The following APBA2 variants were observed in gnomAD, a reference collection of about 807,000 sequenced individuals.
The protein encoded by APBA2 is amyloid-beta A4 precursor protein-binding family A member 2.
A neutral mutation model predicts 75.0 loss-of-function variants in APBA2; 30 were observed. The ratio of observed to expected loss-of-function variants is 0.40; its 90% confidence interval spans 0.30 to 0.54. The LOEUF is 0.54. Ranked by LOEUF, APBA2 falls within the 20% of genes least tolerant of loss-of-function variation. The probability of loss-of-function intolerance (pLI) is 0.49; values close to 1 mark genes in which losing one functional copy is unlikely to be tolerated. For missense variants in APBA2, 801 were observed against 1,016.1 expected (o/e 0.79, Z 2.88); for synonymous variants, 444 against 409.6 (o/e 1.08, Z -1.01).
chr15:29,041,477 T>A (rs999732546), intron 3 of APBA2, among the ~76,000 whole-genome samples: 2 of 143,196 alleles, frequency 1.4e-5, no homozygotes, highest in African/African-American at 2.6e-5. Context: ...AGCAAGACCC[T>A]GTCTCAGAAA....
chr15:28,952,159 A>G (rs1389335838), intron 2 of APBA2, among the ~76,000 whole-genome samples: 1 of 152,042 alleles, frequency 6.6e-6, no homozygotes, highest in Non-Finnish European at 1.5e-5. Flanking sequence ...CACGTGTCAC[A>G]TAGTAGAAAG....
chr15:28,917,898 G>A (rs538670023), intron 1 of APBA2, among the ~76,000 whole-genome samples: 1 of 152,244 alleles, frequency 6.6e-6, no homozygotes, highest in African/African-American at 2.4e-5. Context: ...GGTCTCTGGG[G>A]AGCAGCACTC....
chr15:28,964,183 A>G (rs1412938946), intron 2 of APBA2, among the ~76,000 whole-genome samples: 1 of 152,216 alleles, frequency 6.6e-6, no homozygotes, highest in East Asian at 1.9e-4. Context: ...ATTATCTACA[A>G]TTGCTGGATT....
At chr15:28,972,102 A>G (rs188082264) in intron 2 of APBA2, among the ~76,000 whole-genome samples, 1 of 152,312 alleles carries the variant, frequency 6.6e-6, no homozygotes, top group East Asian at 1.9e-4. Flanking sequence ...GTCTAAGATA[A>G]TCTCTGAAAT....
intron 2 of APBA2, among the ~76,000 whole-genome samples, chr15:28,958,999 C>T (rs1195930720): frequency 6.6e-6 from 1 of 152,064 alleles, no homozygotes; most frequent in East Asian, 1.9e-4. Flanking sequence ...GTTCTCTTCT[C>T]TTCTTTTTGA....
intron 3 of APBA2, among the ~76,000 whole-genome samples, chr15:29,012,314 G>A (rs555833291): frequency 6.6e-6 from 1 of 152,308 alleles, no homozygotes; most frequent in South Asian, 2.1e-4. Flanking sequence ...ATTTTGAAGA[G>A]TAGTGGTCAG....
At chr15:29,033,833 C>T (rs1387605087) in intron 3 of APBA2, among the ~76,000 whole-genome samples, 2 of 151,744 alleles carry the variant, frequency 1.3e-5, no homozygotes, top group Non-Finnish European at 1.5e-5. Flanking sequence ...AGCGTGGTGG[C>T]GGGCGCCTGT....
intron 3 of APBA2, among the ~76,000 whole-genome samples, chr15:29,015,036 G>T (rs1042685138): frequency 1.3e-5 from 2 of 152,050 alleles, no homozygotes; most frequent in South Asian, 2.1e-4. Context: ...TTCTAATGAG[G>T]TTGTGTTGCA....
chr15:29,112,797 G>A (rs558030794), intron 13 of APBA2, among the ~76,000 whole-genome samples: 39 of 152,216 alleles, frequency 2.6e-4, no homozygotes, highest in African/African-American at 8.4e-4. Context: ...TGGCCACTGC[G>A]CTCTCCTGCA....
intron 4 of APBA2, among the ~76,000 whole-genome samples, chr15:29,068,584 G>A (rs1299860629): frequency 6.6e-6 from 1 of 152,212 alleles, no homozygotes; most frequent in African/African-American, 2.4e-5. Context: ...CCCCACAAAT[G>A]GACACAGAAT....
At chr15:28,933,165 C>T (rs2034652787) in intron 2 of APBA2, among the ~76,000 whole-genome samples, 1 of 152,172 alleles carries the variant, frequency 6.6e-6, no homozygotes. Context: ...CTAATCACCT[C>T]TTAAAGGTCT....
intron 2 of APBA2, among the ~76,000 whole-genome samples, chr15:28,986,024 A>G (rs67202597): frequency 0.036 from 5,493 of 152,246 alleles, 211 homozygotes; most frequent in East Asian, 0.17. Context: ...GCACAAGCAT[A>G]TGCTTGTTTG....
At chr15:28,938,038 C>T (rs1399614042) in intron 2 of APBA2, among the ~76,000 whole-genome samples, 2 of 152,150 alleles carry the variant, frequency 1.3e-5, no homozygotes, top group Non-Finnish European at 2.9e-5. Flanking sequence ...GCCTCTCTGC[C>T]ACTGTGTGAA....
At chr15:28,939,200 T>A (rs1318209369) in intron 2 of APBA2, among the ~76,000 whole-genome samples, 2 of 152,212 alleles carry the variant, frequency 1.3e-5, no homozygotes, top group Non-Finnish European at 2.9e-5. Flanking sequence ...GCTTCCTTTT[T>A]TAGTGCTGAA....
At position 29,055,837 on chromosome 15, in the gene APBA2, G is replaced by C. The variant is rs192550547; in HGVS notation, c.951+1002G>C. Among the ~76,000 whole-genome samples, 208 of 152,290 alleles carry C rather than the reference G, an allele frequency of 1.4e-3. 1 individual carries two copies. The highest frequency in any genetic ancestry group is 4.7e-3 in the African/African-American group (194 of 41,558). On this transcript the variant is annotated intron_variant, in intron 4 of 14. Coordinates refer to ENST00000683413, the MANE Select transcript of APBA2 (RefSeq NM_001353788.2). ...TCTCTCTAAAGAACGTTAAGTGTCA[G>C]TTGACTTCACTTTGGGGGTGTTCCT...
At chr15:28,939,654 T>C (rs1161355329) in intron 2 of APBA2, among the ~76,000 whole-genome samples, 2 of 152,212 alleles carry the variant, frequency 1.3e-5, no homozygotes, top group Non-Finnish European at 2.9e-5. Flanking sequence ...TTCAGAGGAA[T>C]GTAGTGTGAT....
At chr15:28,892,023 C>A (rs911602263) in intron 1 of APBA2, among the ~76,000 whole-genome samples, 1 of 152,192 alleles carries the variant, frequency 6.6e-6, no homozygotes, top group Non-Finnish European at 1.5e-5. Context: ...TCCAGTCTTG[C>A]AAGCTCCATT....
intron 4 of APBA2, among the ~76,000 whole-genome samples, chr15:29,067,406 C>T (rs766580627): frequency 7.2e-5 from 11 of 151,976 alleles, no homozygotes; most frequent in South Asian, 2.1e-4. Context: ...GGCGGTGGGT[C>T]GGCACATCCC....
rs752901215 is a variant in APBA2, at chr15:29,054,510, C to G, written c.626C>G (p.Pro209Arg). ...EEANGNTGAS[P>R]YRLRRGDGDL... ...GCCAACGGGAACACCGGCGCCTCCC[C>G]CTACCGCCTGAGGCGTGGGGATGGG... Residue 209 changes from proline (P) to arginine (R), a missense_variant, in exon 4 of 15, where the codon CCC (proline) becomes CGC (arginine). Coordinates refer to ENST00000683413, the MANE Select transcript of APBA2 (RefSeq NM_001353788.2). This position sits in a 1 kb window ranked among gnomAD's most constrained non-coding sequence, Gnocchi z 6.1. 6.2e-7 allele frequency: 1 copy of G among 1,613,452 alleles called. No individual in the cohort carries two copies. Among genetic ancestry groups the G allele is most frequent in the Non-Finnish European group, 8.5e-7 (1 of 1,179,782 alleles).
Sources: gnomAD v4.1 joint callset for allele counts (sites outside exome capture counted in the v4.1 genomes callset) on GRCh38, gnomAD v4.1.1 for gene constraint, Gnocchi (gnomAD v3.1) non-coding constraint, MANE v1.5 for transcripts, NCBI Gene and HGNC (gene_info 2026-07-23, HGNC 2026-07-21) for gene names.